The following GOLGA3 variants were observed in gnomAD, a reference collection of about 807,000 sequenced individuals.
GOLGA3 encodes the protein golgin subfamily A member 3.
Under a neutral mutation model 169.4 loss-of-function variants are expected in GOLGA3, and 75 were observed. The observed-to-expected ratio is 0.44, with a 90% CI of 0.37 to 0.54. GOLGA3 has a LOEUF of 0.54. Ranked by LOEUF, GOLGA3 falls within the 20% of genes least tolerant of loss-of-function variation. The pLI is 0.00. For missense variants in GOLGA3, 1,899 were observed against 1,930.0 expected, an observed-to-expected ratio of 0.98 and a Z score of 0.30; for synonymous variants, 824 against 822.4, an observed-to-expected ratio of 1.00 and a Z score of -0.03.
At chr12:132,795,622 A>G (rs1948791933) in intron 11 of GOLGA3, among the ~76,000 whole-genome samples, 1 of 152,166 alleles carries the variant, frequency 6.6e-6, no homozygotes, top group African/African-American at 2.4e-5. Flanking sequence ...TTAGCTGGGC[A>G]TGGTGGCGCA....
intron 16 of GOLGA3, 141 bp downstream of exon 16, chr12:132,784,023 C>A: frequency 6.6e-7 from 1 of 1,520,504 alleles, no homozygotes; most frequent in South Asian, 1.2e-5. Context: ...CAGAGGCCGA[C>A]GGTCAGAAGG....
In GOLGA3 at chr12:132,770,506, TTTTCAGAATTAGTCTGTCC is replaced by T. The variant is rs1386824632; in HGVS notation, c.*2580_*2598del. 9.9e-5 allele frequency: 15 copies of T among 152,274 alleles called. No individual in the cohort carries two copies. Among genetic ancestry groups the T allele is most frequent in the Admixed American group, 2.0e-4 (3 of 15,284 alleles). The allele number at this position is 152,274 out of a possible 1,614,324, so 9.4% of individuals were successfully genotyped here. On this transcript the variant is annotated 3_prime_UTR_variant, in exon 24 of 24. Transcript: ENST00000450791. ...ACATAGAGCTACTTTTCCTTCGGTA[TTTTCAGAATTAGTCTGTCC>T]TAAGAGAAAAAAAAATACATGGTGA...
At chr12:132,801,091 C>T (rs370632602) in intron 8 of GOLGA3, among the ~76,000 whole-genome samples, 1 of 152,252 alleles carries the variant, frequency 6.6e-6, no homozygotes, top group Non-Finnish European at 1.5e-5. Context: ...TCGGTCTGGG[C>T]GTCTCCAGCA....
Position 132,808,515 on chromosome 12 carries a change from C to A in GOLGA3, c.554G>T (p.Ser185Ile). The change falls in exon 5 of 24, where the codon AGC becomes ATC. Residue 185 changes from serine to isoleucine, a missense_variant. Ser to Ile is a moderately radical substitution (Grantham distance 142). Coordinates refer to ENST00000450791, the MANE Select transcript of GOLGA3 (RefSeq NM_001389683.1). ...TAACATGAGCTCAGGATCAAGCGTG[C>A]TAAAAAGTCTCGTTTTGGTTGCAGG... ...SQPATKTRLF[S>I]TLDPELMLNP... 1 of 1,595,690 alleles carries A rather than the reference C, an allele frequency of 6.3e-7. No homozygotes were observed. Among genetic ancestry groups the A allele is most frequent in the South Asian group, 1.1e-5 (1 of 88,386 alleles).
intron 8 of GOLGA3, among the ~76,000 whole-genome samples, chr12:132,801,205 G>A (rs1024519202): frequency 6.6e-6 from 1 of 152,220 alleles, no homozygotes; most frequent in Non-Finnish European, 1.5e-5. Context: ...ACGAGTGGAC[G>A]GGAGAGGAAA....
In GOLGA3 at chr12:132,796,238, C is replaced by T; in HGVS notation, c.2101-18G>A. ...AACTTCACCTGGAGAAGGAATGAAGCCCACATGGCTGCGCCTGACCCTCCT... is the reference window on the plus strand; with the variant it reads ...AACTTCACCTGGAGAAGGAATGAAGTCCACATGGCTGCGCCTGACCCTCCT... On this transcript the variant is annotated intron_variant, in intron 10 of 23. Coordinates refer to ENST00000450791, the MANE Select transcript of GOLGA3 (RefSeq NM_001389683.1). The T allele has an allele frequency of 6.4e-7, 1 of 1,574,066 alleles. No individual in the cohort carries two copies. The highest frequency in any genetic ancestry group is 8.6e-7 in the Non-Finnish European group (1 of 1,159,284).
In GOLGA3 at chr12:132,796,083, G is replaced by A; in HGVS notation, c.2238C>T (p.His746=). The A allele has an allele frequency of 6.2e-7, 1 of 1,613,130 alleles. No homozygotes were observed. The highest frequency in any genetic ancestry group is 2.2e-5 in the East Asian group (1 of 44,866). The change falls in exon 11 of 24, where the codon CAC becomes CAT. Residue 746 remains histidine (H), a synonymous_variant. Coordinates refer to ENST00000450791, the MANE Select transcript of GOLGA3 (RefSeq NM_001389683.1). ...REQSLDALQT[H]YDELQARLGE... is the part of the protein sequence containing the mutation. ...CCAGCCTGGCCTGCAGCTCATCGTA[G>A]TGTGTCTGCAGGGCATCGAGGGACT... is the stretch of plus-strand genomic sequence containing the variant.
At position 132,816,667 on chromosome 12, in the gene GOLGA3, G is replaced by A; in HGVS notation, c.279C>T (p.Ala93=). ...CATGGAAACCAGCCACACCTGGAGA[G>A]GCATCAGGGCCCACTGGGCTTGTGG... ...DPTTSPVGPD[A]SPGVAGFHDN... Residue 93 remains alanine (A), a synonymous_variant, in exon 3 of 24, where the codon GCC becomes GCT. Coordinates refer to ENST00000450791, the MANE Select transcript of GOLGA3 (RefSeq NM_001389683.1). The A allele has an allele frequency of 1.2e-6, 2 of 1,614,192 alleles. No individual in the cohort carries two copies. Among genetic ancestry groups the A allele is most frequent in the Non-Finnish European group, 1.7e-6 (2 of 1,180,028 alleles).
rs746622208 is a variant in GOLGA3, at chr12:132,801,965, G to C, written c.1602C>G (p.His534Gln). ...AGGCTGTCATCTGCTGTCGCAGGTC[G>C]TGCACTGAAATGGGGCAAGCACAGC... ...RSMLSKDNTV[H>Q]DLRQQMTALQ... Residue 534 changes from histidine (H) to glutamine (Q), a missense_variant, in exon 8 of 24, where the codon CAC becomes CAG. Physicochemically the swap from His to Gln is conservative, Grantham distance 24 (BLOSUM62 0). Coordinates refer to ENST00000450791, the MANE Select transcript of GOLGA3 (RefSeq NM_001389683.1). 6.3e-7 allele frequency: 1 copy of C among 1,596,188 alleles called. No individual in the cohort carries two copies. The highest frequency in any genetic ancestry group is 8.5e-7 in the Non-Finnish European group (1 of 1,177,056).
At chr12:132,791,874 G>A (rs1349798966) in intron 11 of GOLGA3, among the ~76,000 whole-genome samples, 2 of 139,424 alleles carry the variant, frequency 1.4e-5, no homozygotes, top group African/African-American at 5.2e-5. Flanking sequence ...GGCTCCAGAA[G>A]GGGACACATC....
chr12:132,782,627 A>G, intron 16 of GOLGA3, 134 bp from the exon 17 acceptor site: 1 of 719,068 alleles, frequency 1.4e-6, no homozygotes, highest in Non-Finnish European at 2.4e-6. Context: ...CTGTAATCAC[A>G]GCACATTGGG....
At chr12:132,816,841 A>G (rs944594253) in intron 2 of GOLGA3, 29 bp from the exon 3 acceptor site, 2 of 1,549,338 alleles carry the variant, frequency 1.3e-6, no homozygotes, top group South Asian at 1.2e-5. Flanking sequence ...CTGGACCACC[A>G]TGGCTTTAAC....
At position 132,796,141 on chromosome 12, in the gene GOLGA3, G is replaced by A. The variant is rs1210063119; in HGVS notation, c.2180C>T (p.Thr727Ile). ...GCTCTGCAGAGCCTCCTGAGTCAAG[G>A]TGAGCTGTTTCATCAGGTCCAGGTG... The part of the protein sequence containing the change: ...QEHLDLMKQL[T>I]LTQEALQSRE... Residue 727 changes from threonine to isoleucine, a missense_variant, in exon 11 of 24, where the codon ACC becomes ATC. Physicochemically the swap from Thr to Ile is moderately conservative, Grantham distance 89. Transcript: ENST00000450791. 2 of 1,610,992 alleles carry A rather than the reference G, an allele frequency of 1.2e-6. No individual in the cohort carries two copies. Among genetic ancestry groups the A allele is most frequent in the African/African-American group, 2.7e-5 (2 of 75,000 alleles).
At chr12:132,827,030 G>A (rs780639602) in intron 1 of GOLGA3, among the ~76,000 whole-genome samples, 2 of 152,172 alleles carry the variant, frequency 1.3e-5, no homozygotes, top group African/African-American at 2.4e-5. Flanking sequence ...ACAACCCTAG[G>A]TTCACAGCTG....
At chr12:132,810,358 A>C (rs1442374271) in intron 4 of GOLGA3, among the ~76,000 whole-genome samples, 4 of 152,194 alleles carry the variant, frequency 2.6e-5, no homozygotes, top group Admixed American at 2.6e-4. Flanking sequence ...TGTGGGCGGC[A>C]AGCCACCCAG....
chr12:132,782,245 C>A, intron 17 of GOLGA3, 51 bp downstream of exon 17: 2 of 1,444,100 alleles, frequency 1.4e-6, no homozygotes, highest in Non-Finnish European at 1.9e-6. Context: ...GTGCGCACAG[C>A]CCCACCAACT....
rs1178819548 is a variant in GOLGA3, at chr12:132,782,471, C to A, written c.3290G>T (p.Arg1097Met). 11 of 1,613,758 alleles carry A rather than the reference C, an allele frequency of 6.8e-6. No homozygotes were observed. The highest frequency in any genetic ancestry group is 9.3e-6 in the Non-Finnish European group (11 of 1,179,724). Reference sequence around the variant, plus strand: ...CTCCTCAAGGCGTTTTATCTTCTTCCTAAAGCCTCTGGATTCTTGAAGCTG... The same window carrying A: ...CTCCTCAAGGCGTTTTATCTTCTTCATAAAGCCTCTGGATTCTTGAAGCTG... ...EDELQESRGF[R>M]KKIKRLEESN... The change falls in exon 17 of 24, where the codon AGG becomes ATG. Residue 1097 changes from arginine to methionine, a missense_variant. Transcript: ENST00000450791.
At position 132,780,918 on chromosome 12, in the gene GOLGA3, G is replaced by T. The variant is rs1479049966; in HGVS notation, c.3466-4C>A. The T allele has an allele frequency of 1.2e-6, 2 of 1,604,364 alleles. No homozygotes were observed. The highest frequency in any genetic ancestry group is 1.7e-6 in the Non-Finnish European group (2 of 1,174,808). On this transcript the variant is annotated splice_region_variant and splice_polypyrimidine_tract_variant and intron_variant, in intron 17 of 23. Transcript: ENST00000450791. ...TGCGCTGCAAAACTGCCTGCACCTA[G>T]ATCAGATTGCAGGAGGACAGATAAG...
At position 132,813,414 on chromosome 12, in the gene GOLGA3, T is replaced by C. The variant is rs751939478; in HGVS notation, c.412A>G (p.Thr138Ala). ...LPMQETQLCS[T>A]DSPLPLEKEE... ...TTCTCCAGGGGCAGGGGAGAATCTGTAGAGCCTGCAGTGGGAAAAGGGCAA... is the reference window on the plus strand; with the variant it reads ...TTCTCCAGGGGCAGGGGAGAATCTGCAGAGCCTGCAGTGGGAAAAGGGCAA... Residue 138 changes from threonine to alanine, a missense_variant, in exon 4 of 24, where the codon ACA becomes GCA. Coordinates refer to ENST00000450791, the MANE Select transcript of GOLGA3 (RefSeq NM_001389683.1). The C allele has an allele frequency of 1.9e-6, 3 of 1,595,984 alleles. No individual in the cohort carries two copies. The South Asian group carries it at 3.3e-5, about 18-fold the overall frequency.
Sources: gnomAD v4.1 joint callset for allele counts (sites outside exome capture counted in the v4.1 genomes callset) on GRCh38, gnomAD v4.1.1 for gene constraint, MANE v1.5 for transcripts, NCBI Gene and HGNC (gene_info 2026-07-23, HGNC 2026-07-21) for gene names.